Variants in LAMC1 observed in about 807,000 individuals in gnomAD.
The protein encoded by LAMC1 is laminin subunit gamma 1, also known as laminin subunit gamma-1.
Under a neutral mutation model 173.6 loss-of-function variants are expected in LAMC1, and 38 were observed. The ratio of observed to expected loss-of-function variants is 0.22; its 90% confidence interval spans 0.17 to 0.29. LAMC1 has a LOEUF of 0.29. Among genes scored for constraint, LAMC1 ranks in the 10% least tolerant of loss-of-function variants. The probability of loss-of-function intolerance (pLI) is 1.00; values close to 1 mark genes in which losing one functional copy is unlikely to be tolerated. For synonymous variants in LAMC1, 746 were observed against 749.1 expected (o/e 1.00, Z 0.07); for missense variants, 1,824 against 2,051.8 (o/e 0.89, Z 2.14).
chr1:183,117,825 T>C (rs894418117), intron 10 of LAMC1, 102 bp downstream of exon 10: 7 of 1,087,022 alleles, frequency 6.4e-6, no homozygotes, highest in Non-Finnish European at 9.3e-6. Flanking sequence ...AAGAAAAACT[T>C]CTGGGTTATT....
intron 1 of LAMC1, among the ~76,000 whole-genome samples, chr1:183,031,539 G>A (rs1653850433): frequency 6.6e-6 from 1 of 152,068 alleles, no homozygotes; most frequent in African/African-American, 2.4e-5. Flanking sequence ...CCCGACCTCA[G>A]GTGATCTGCC....
At chr1:183,130,312 A>G (rs1217941472) in intron 18 of LAMC1, 32 bp from the exon 19 acceptor site, 1 of 1,557,276 alleles carries the variant, frequency 6.4e-7, no homozygotes, top group Middle Eastern at 1.7e-4. Flanking sequence ...TCTTCAGATA[A>G]TTTACAGACT....
intron 1 of LAMC1, among the ~76,000 whole-genome samples, chr1:183,040,507 G>A (rs1395154490): frequency 6.6e-6 from 1 of 152,150 alleles, no homozygotes; most frequent in Non-Finnish European, 1.5e-5. Context: ...TTTGGAACTT[G>A]TTCCATTTTT....
intron 1 of LAMC1, among the ~76,000 whole-genome samples, chr1:183,066,670 C>G (rs1276175535): frequency 6.6e-6 from 1 of 152,114 alleles, no homozygotes; most frequent in East Asian, 1.9e-4. Context: ...ATGGATGAAG[C>G]TGGAAAGCAT....
At chr1:183,080,048 A>G (rs1655228942) in intron 1 of LAMC1, among the ~76,000 whole-genome samples, 1 of 152,080 alleles carries the variant, frequency 6.6e-6, no homozygotes, top group Middle Eastern at 3.2e-3. Flanking sequence ...GTTCGAGACT[A>G]GGCTGGCAAC....
intron 1 of LAMC1, among the ~76,000 whole-genome samples, chr1:183,045,421 T>C (rs575997155): frequency 2.6e-5 from 4 of 152,170 alleles, no homozygotes; most frequent in Non-Finnish European, 4.4e-5. Flanking sequence ...AACAATGTAT[T>C]GTTTGTTTTT....
At position 183,126,147 on chromosome 1, in the gene LAMC1, C is replaced by T. The variant is rs990173123; in HGVS notation, c.2829C>T (p.Thr943=). The part of the protein sequence containing the change: ...ERCDCHALGS[T]NGQCDIRTGQ... ...GTGACTGCCATGCCTTGGGCTCCACCAATGGGCAGTGTGACATCCGCACCG... is the reference window on the plus strand; with the variant it reads ...GTGACTGCCATGCCTTGGGCTCCACTAATGGGCAGTGTGACATCCGCACCG... Residue 943 remains threonine (T), a synonymous_variant, in exon 16 of 28, where the codon ACC becomes ACT. Transcript: ENST00000258341. The T allele has an allele frequency of 1.1e-5, 18 of 1,614,052 alleles. No homozygotes were observed. The highest frequency in any genetic ancestry group is 1.5e-5 in the Non-Finnish European group (18 of 1,180,036).
chr1:183,064,219 G>A (rs1654808430), intron 1 of LAMC1, among the ~76,000 whole-genome samples: 3 of 152,252 alleles, frequency 2.0e-5, no homozygotes, highest in Admixed American at 1.3e-4. Flanking sequence ...ACTTAACAAT[G>A]GAGTACGTTC....
intron 1 of LAMC1, among the ~76,000 whole-genome samples, chr1:183,055,811 C>CA (rs1224832867): frequency 1.4e-5 from 2 of 143,026 alleles, no homozygotes; most frequent in African/African-American, 2.6e-5. Context: ...GACTCCGTCT[C>CA]AAAAAAAAGA....
chr1:183,130,321 C>T, intron 18 of LAMC1, 23 bp from the exon 19 acceptor site: 1 of 1,588,468 alleles, frequency 6.3e-7, no homozygotes, highest in East Asian at 2.2e-5. Flanking sequence ...AATTTACAGA[C>T]TTTCTTCTGC....
At chr1:183,139,354 A>G (rs1571468814) in intron 26 of LAMC1, among the ~76,000 whole-genome samples, 1 of 152,276 alleles carries the variant, frequency 6.6e-6, no homozygotes, top group African/African-American at 2.4e-5. Context: ...GTATTTTTTA[A>G]CCAGAAGAAT....
At chr1:183,067,725 C>T (rs187224318) in intron 1 of LAMC1, among the ~76,000 whole-genome samples, 206 of 152,174 alleles carry the variant, frequency 1.4e-3, no homozygotes, top group African/African-American at 4.9e-3. Context: ...CTCCTGACCT[C>T]GTTATCCACC....
At chr1:183,100,493 C>T (rs570107754) in intron 1 of LAMC1, among the ~76,000 whole-genome samples, 2 of 152,154 alleles carry the variant, frequency 1.3e-5, no homozygotes, top group Admixed American at 1.3e-4. Flanking sequence ...ATGGTGATCA[C>T]TCCTCTGTGT....
chr1:183,121,605 A>G, intron 11 of LAMC1, 118 bp from the exon 12 acceptor site: 4 of 786,486 alleles, frequency 5.1e-6, no homozygotes, highest in Non-Finnish European at 8.1e-6. Context: ...AGCCCAGTTA[A>G]GCAAATGGCT....
intron 25 of LAMC1, 100 bp downstream of exon 25, chr1:183,136,685 T>A: frequency 1.0e-6 from 1 of 964,468 alleles, no homozygotes; most frequent in Non-Finnish European, 1.5e-6. Flanking sequence ...ATTTTTTTCC[T>A]GAACTTCAGT....
chr1:183,030,719 T>A (rs1362131630), intron 1 of LAMC1, among the ~76,000 whole-genome samples: 2 of 152,238 alleles, frequency 1.3e-5, no homozygotes, highest in Non-Finnish European at 2.9e-5. Flanking sequence ...TAGACTGTTA[T>A]GTGACTTGAA....
At chr1:183,067,404 A>G (rs1352000185) in intron 1 of LAMC1, among the ~76,000 whole-genome samples, 1 of 152,046 alleles carries the variant, frequency 6.6e-6, no homozygotes, top group Non-Finnish European at 1.5e-5. Context: ...TATTTTTTGC[A>G]TTTCTTTGTT....
intron 1 of LAMC1, among the ~76,000 whole-genome samples, chr1:183,025,836 A>T (rs766816781): frequency 2.0e-5 from 3 of 152,222 alleles, no homozygotes; most frequent in African/African-American, 7.2e-5. Context: ...TCTTATTTAC[A>T]TAAAGGTGGG....
At chr1:183,061,035 A>G (rs10737239) in intron 1 of LAMC1, among the ~76,000 whole-genome samples, 3 of 151,832 alleles carry the variant, frequency 2.0e-5, no homozygotes, top group Non-Finnish European at 4.4e-5. Flanking sequence ...GAAAATTAGT[A>G]TAATGGTAGT....
Sources: gnomAD v4.1 joint callset for allele counts (sites outside exome capture counted in the v4.1 genomes callset) on GRCh38, gnomAD v4.1.1 for gene constraint, MANE v1.5 for transcripts, NCBI Gene and HGNC (gene_info 2026-07-23, HGNC 2026-07-21) for gene names.